Variants in GPHN observed in about 807,000 individuals in gnomAD.
GPHN encodes the protein gephyrin.
Under a neutral mutation model 95.5 loss-of-function variants are expected in GPHN, and 17 were observed. The ratio of observed to expected loss-of-function variants is 0.18; its 90% CI spans 0.12 to 0.27. The LOEUF is 0.27. GPHN is among the 10% of genes least tolerant of loss of function. The probability of loss-of-function intolerance (pLI) is 1.00; values close to 1 mark genes in which losing one functional copy is unlikely to be tolerated. For missense variants in GPHN, 660 were observed against 978.1 expected (o/e 0.67, Z 4.34); for synonymous variants, 320 against 322.5 (o/e 0.99, Z 0.08).
chr14:66,719,433 G>A (rs748805728), intron 2 of GPHN, among the ~76,000 whole-genome samples: 8 of 152,116 alleles, frequency 5.3e-5, no homozygotes, highest in Admixed American at 1.3e-4. Context: ...TGTGTTCGGG[G>A]GCTGAGAATC....
At chr14:66,582,133 C>T (rs2061207471) in intron 1 of GPHN, among the ~76,000 whole-genome samples, 1 of 151,894 alleles carries the variant, frequency 6.6e-6, no homozygotes, top group Non-Finnish European at 1.5e-5. Context: ...GTAAGTCAGA[C>T]CAGAAAATAA....
At chr14:66,812,179 C>T (rs1038570872) in intron 3 of GPHN, among the ~76,000 whole-genome samples, 3 of 152,156 alleles carry the variant, frequency 2.0e-5, no homozygotes, top group Non-Finnish European at 2.9e-5. Context: ...TTCTGGCTGA[C>T]CTCTGAGCCA....
chr14:66,791,276 T>C lies in GPHN; in HGVS notation c.201+14755T>C, dbSNP rs117177001. Among the ~76,000 whole-genome samples, 833 of 152,310 alleles carry C rather than the reference T, an allele frequency of 5.5e-3. 7 individuals are homozygous for C. Among genetic ancestry groups the C allele is most frequent in the Admixed American group, 9.6e-3 (147 of 15,302 alleles). On this transcript the variant is annotated intron_variant, in intron 3 of 22. Coordinates refer to ENST00000478722, the MANE Select transcript of GPHN (RefSeq NM_020806.5). ...TGGGGGTTTCCTCAGTATTGTCCCT[T>C]TGGGGGTTATCAGGGAGATGCTGCC...
At chr14:66,645,332 T>C (rs1386001115) in intron 1 of GPHN, among the ~76,000 whole-genome samples, 1 of 152,158 alleles carries the variant, frequency 6.6e-6, no homozygotes, top group East Asian at 1.9e-4. Flanking sequence ...TGAGTTTTTC[T>C]GATTTGCTTA....
chr14:67,160,630 A>G (rs762676166), intron 19 of GPHN, among the ~76,000 whole-genome samples: 1 of 152,282 alleles, frequency 6.6e-6, no homozygotes, highest in South Asian at 2.1e-4. Flanking sequence ...CCTCAACTGT[A>G]TGGCTGAGAG....
chr14:67,052,615 A>G (rs546057156), intron 10 of GPHN, among the ~76,000 whole-genome samples: 1 of 152,222 alleles, frequency 6.6e-6, no homozygotes, highest in East Asian at 1.9e-4. Context: ...TATCTACAGA[A>G]CTCTCCACCC....
the GPHN span, among the ~76,000 whole-genome samples, chr14:67,565,290 C>T: frequency 6.6e-6 from 1 of 152,204 alleles, no homozygotes; most frequent in East Asian, 1.9e-4. Context: ...GTCACTCAGG[C>T]TGGAGTGCAG....
At chr14:67,110,379 T>C in intron 14 of GPHN, 120 bp downstream of exon 14, 2 of 1,033,378 alleles carry the variant, frequency 1.9e-6, no homozygotes, top group South Asian at 2.6e-5. Context: ...TTGTTTTGTT[T>C]TTGCTTATGG....
Position 67,107,315 on chromosome 14 carries a change from G to A in GPHN, c.1294-2825G>A, listed in dbSNP as rs183342781. 1.7e-3 allele frequency among the ~76,000 whole-genome samples: 257 copies of A among 152,224 alleles called. 3 individuals are homozygous for A. The highest frequency in any genetic ancestry group is 7.2e-4 in the Non-Finnish European group (49 of 68,010). On this transcript the variant is annotated intron_variant, in intron 13 of 22. Transcript: ENST00000478722. Reference sequence around the variant, plus strand: ...AAATATGGTGCTTGGAGTGACTGTGGAGCCAGGATCCAAGGCTCAGGGTCT... The same window carrying A: ...AAATATGGTGCTTGGAGTGACTGTGAAGCCAGGATCCAAGGCTCAGGGTCT...
chr14:66,556,599 T>C (rs2060015437), intron 1 of GPHN, among the ~76,000 whole-genome samples: 1 of 152,182 alleles, frequency 6.6e-6, no homozygotes, highest in Non-Finnish European at 1.5e-5. Context: ...AATGAAACTA[T>C]TTATATTCAC....
intron 1 of GPHN, among the ~76,000 whole-genome samples, chr14:66,522,656 A>G (rs902797231): frequency 6.6e-6 from 1 of 152,070 alleles, no homozygotes; most frequent in African/African-American, 2.4e-5. Context: ...TATGATTTTT[A>G]TATGTATTCT....
the GPHN span, among the ~76,000 whole-genome samples, chr14:67,419,633 C>T: frequency 2.6e-5 from 4 of 152,104 alleles, no homozygotes; most frequent in African/African-American, 9.7e-5. Flanking sequence ...GAGGCCGAGG[C>T]GGGCGGATCA....
chr14:67,564,513 A>G, the GPHN span, among the ~76,000 whole-genome samples: 1 of 152,104 alleles, frequency 6.6e-6, no homozygotes, highest in Non-Finnish European at 1.5e-5. Context: ...GCTGGAGTGC[A>G]GTGGCGCAAT....
At chr14:67,169,261 A>G in intron 21 of GPHN, 2 of 576,032 alleles carry the variant, frequency 3.5e-6, no homozygotes, top group Non-Finnish European at 6.2e-6. Flanking sequence ...AGAAGTCCAT[A>G]TACGAGTCCA....
chr14:67,297,220 G>A, the GPHN span, among the ~76,000 whole-genome samples: 1 of 152,174 alleles, frequency 6.6e-6, no homozygotes, highest in Non-Finnish European at 1.5e-5. Context: ...CCCACCATTA[G>A]TATTCAACAT....
chr14:67,101,934 C>G (rs966682474), intron 13 of GPHN, among the ~76,000 whole-genome samples: 45 of 152,000 alleles, frequency 3.0e-4, no homozygotes, highest in East Asian at 1.7e-3. Context: ...TGCAGTGGCG[C>G]GATCTCGGCT....
At chr14:66,698,798 G>A (rs531689597) in intron 2 of GPHN, among the ~76,000 whole-genome samples, 2 of 152,046 alleles carry the variant, frequency 1.3e-5, no homozygotes, top group Admixed American at 1.3e-4. Flanking sequence ...CCCTCCATTC[G>A]GCTCTGGGGA....
chr14:67,212,604 T>A, the GPHN span, among the ~76,000 whole-genome samples: 477 of 143,966 alleles, frequency 3.3e-3, 4 homozygotes, highest in African/African-American at 0.011. Flanking sequence ...AAAAAATATA[T>A]ATATATATAT....
At chr14:67,695,430 C>CTT in the GPHN span, among the ~76,000 whole-genome samples, 2 of 152,206 alleles carry the variant, frequency 1.3e-5, no homozygotes, top group Non-Finnish European at 2.9e-5. Flanking sequence ...GACTGCCGCC[C>CTT]TTTCTCACCG....
Sources: allele counts gnomAD v4.1 joint callset (sites outside exome capture counted in the v4.1 genomes callset), GRCh38; gene constraint gnomAD v4.1.1; transcripts MANE v1.5; gene names NCBI Gene and HGNC (gene_info 2026-07-23, HGNC 2026-07-21).